The following SLC7A13 variants were observed in gnomAD, a reference collection of about 807,000 sequenced individuals.
SLC7A13 encodes the protein X-amino acid transporter 2.
SLC7A13 carries 31 observed loss-of-function variants against 32.0 expected under a neutral mutation model. The ratio of observed to expected loss-of-function variants is 0.97; its 90% CI spans 0.73 to 1.31. The LOEUF is 1.31. Ranked by LOEUF, SLC7A13 falls within the 50% of genes most tolerant of loss-of-function variation. The pLI, the probability that SLC7A13 is intolerant of heterozygous loss-of-function variation, is 0.00. For missense variants in SLC7A13, 633 were observed against 546.9 expected (o/e 1.16, Z -1.57); for synonymous variants, 232 against 206.9 (o/e 1.12, Z -1.04).
chr8:86,228,671 G>A (rs1035890177), intron 1 of SLC7A13, among the ~76,000 whole-genome samples: 2 of 151,978 alleles, frequency 1.3e-5, no homozygotes, highest in African/African-American at 4.8e-5. Context: ...CATGGTGAAA[G>A]CCTGTCTCTA....
chr8:86,223,184 T>A, intron 1 of SLC7A13, 81 bp from the exon 2 acceptor site: 1 of 1,336,478 alleles, frequency 7.5e-7, no homozygotes, highest in Non-Finnish European at 1.0e-6. Context: ...TATTTTTGTA[T>A]TTGTATAAAT....
chr8:86,224,056 T>G (rs535168963), intron 1 of SLC7A13, among the ~76,000 whole-genome samples: 1 of 152,218 alleles, frequency 6.6e-6, no homozygotes, highest in East Asian at 1.9e-4. Flanking sequence ...AGAAACTACA[T>G]GAAATTTGAC....
chr8:86,223,238 G>T, intron 1 of SLC7A13, 135 bp from the exon 2 acceptor site: 1 of 836,414 alleles, frequency 1.2e-6, no homozygotes. Context: ...TAGGTTGTGT[G>T]GTGGTCAAAT....
Position 86,214,639 on chromosome 8 carries a change from A to G in SLC7A13, c.1187T>C (p.Leu396Ser). 6.2e-7 allele frequency: 1 copy of G among 1,605,854 alleles called. No individual in the cohort carries two copies. Among genetic ancestry groups the G allele is most frequent in the Non-Finnish European group, 8.5e-7 (1 of 1,176,042 alleles). ...GACTATTGTTGCTAATGGAAATGAC[A>G]AAAACACCTGAAAAGAGCAAAGTTT... ...PNLSIPYKVF[L>S]SFPLATIVID... The change falls in exon 4 of 4, where the codon TTG becomes TCG. Residue 396 changes from leucine (L) to serine (S), a missense_variant. By Grantham distance (145) the Leu-to-Ser change is moderately radical. Transcript: ENST00000297524.
intron 2 of SLC7A13, among the ~76,000 whole-genome samples, chr8:86,221,659 T>C (rs148162344): frequency 8.9e-5 from 13 of 146,168 alleles, no homozygotes; most frequent in African/African-American, 2.8e-4. Context: ...ACAAAAAGTC[T>C]AAAGATGATA....
rs189885150 is a variant in SLC7A13, at chr8:86,229,919, A to C, written c.359T>G (p.Ile120Ser). Residue 120 changes from isoleucine to serine, a missense_variant, in exon 1 of 4, where the codon ATC becomes AGC. Ile to Ser is a moderately radical substitution (Grantham distance 142, BLOSUM62 -2). Transcript: ENST00000297524. ...GQALLLAEYSIQPFFPSCSVP... is the reference protein window; with the variant it reads ...GQALLLAEYSSQPFFPSCSVP... ...AGAGCAGCTGGGAAAAAAAGGCTGG[A>C]TGCTGTACTCAGCAAGGAGCAGAGC... The C allele has an allele frequency of 1.5e-5, 24 of 1,614,188 alleles. No individual in the cohort carries two copies. The highest frequency in any genetic ancestry group is 1.6e-4 in the Middle Eastern group (1 of 6,062).
chr8:86,224,092 T>C (rs145444618), intron 1 of SLC7A13, among the ~76,000 whole-genome samples: 65 of 152,190 alleles, frequency 4.3e-4, no homozygotes, highest in Middle Eastern at 6.8e-3. Flanking sequence ...TACACATGAG[T>C]TAAATAATTG....
intron 1 of SLC7A13, among the ~76,000 whole-genome samples, chr8:86,229,050 T>A (rs1042157398): frequency 2.0e-5 from 3 of 152,132 alleles, no homozygotes; most frequent in African/African-American, 7.2e-5. Context: ...AGATGAAAAT[T>A]ATAGCTTTAT....
intron 2 of SLC7A13, 147 bp from the exon 3 acceptor site, chr8:86,217,978 T>A (rs1408958630): frequency 2.3e-6 from 2 of 875,816 alleles, no homozygotes; most frequent in Admixed American, 6.7e-5. Context: ...ATTTCCTTAG[T>A]TACACCTACA....
chr8:86,214,635 T>C lies in SLC7A13; in HGVS notation c.1191A>G (p.Ser397=), dbSNP rs772568677. 1 of 1,605,254 alleles carries C rather than the reference T, an allele frequency of 6.2e-7. No homozygotes were observed. Among genetic ancestry groups the C allele is most frequent in the Non-Finnish European group, 8.5e-7 (1 of 1,175,900 alleles). Residue 397 remains serine (S), a synonymous_variant, in exon 4 of 4, where the codon TCA becomes TCG. Coordinates refer to ENST00000297524, the MANE Select transcript of SLC7A13 (RefSeq NM_138817.3). ...CGATGACTATTGTTGCTAATGGAAA[T>C]GACAAAAACACCTGAAAAGAGCAAA... ...NLSIPYKVFL[S]FPLATIVIDV...
Position 86,214,489 on chromosome 8 carries a change from A to C in SLC7A13, c.1337T>G (p.Leu446Trp), listed in dbSNP as rs1297454360. 6.2e-7 allele frequency: 1 copy of C among 1,612,520 alleles called. No homozygotes were observed. The highest frequency in any genetic ancestry group is 2.2e-5 in the East Asian group (1 of 44,784). Residue 446 changes from leucine (L) to tryptophan (W), a missense_variant, in exon 4 of 4, where the codon TTG becomes TGG. Leu to Trp is a moderately conservative substitution (Grantham distance 61, BLOSUM62 -2). Transcript: ENST00000297524. ...YIPLIHFKIR[L>W]AWFEKMTCYL... ...GCAAGTCATCTTCTCAAACCAAGCC[A>C]ATCTTATTTTAAAATGTATTAAAGG...
chr8:86,224,337 C>T (rs1376101003), intron 1 of SLC7A13, among the ~76,000 whole-genome samples: 1 of 152,068 alleles, frequency 6.6e-6, no homozygotes, highest in African/African-American at 2.4e-5. Context: ...CCTACCCTTC[C>T]TTCAGATCTC....
chr8:86,228,945 C>A (rs961979906), intron 1 of SLC7A13, among the ~76,000 whole-genome samples: 2 of 152,068 alleles, frequency 1.3e-5, no homozygotes, highest in African/African-American at 4.8e-5. Flanking sequence ...CCTCTCAAAG[C>A]ATTGGGATTA....
rs772682269 is a variant in SLC7A13, at chr8:86,230,148, T to C, written c.130A>G (p.Met44Val). Residue 44 changes from methionine to valine, a missense_variant, in exon 1 of 4, where the codon ATG becomes GTG. Coordinates refer to ENST00000297524, the MANE Select transcript of SLC7A13 (RefSeq NM_138817.3). ...ACGCACAGGGAGACTCCCACGTTCA[T>C]GCAAGAGTATGCCAACACACCTTTG... ...SPKGVLAYSC[M>V]NVGVSLCVWA... is the part of the protein sequence containing the mutation. The C allele has an allele frequency of 1.9e-6, 3 of 1,614,208 alleles. No homozygotes were observed.
In SLC7A13 at chr8:86,219,927, C is replaced by T. The variant is rs190545567; in HGVS notation, c.818-2096G>A. ...GGCCTTGTGAGTCCAAAAGTATATACATTTTAAAATAAGGATGATATTACA... is the reference window on the plus strand; with the variant it reads ...GGCCTTGTGAGTCCAAAAGTATATATATTTTAAAATAAGGATGATATTACA... On this transcript the variant is annotated intron_variant, in intron 2 of 3. Coordinates refer to ENST00000297524, the MANE Select transcript of SLC7A13 (RefSeq NM_138817.3). 1.1e-3 allele frequency among the ~76,000 whole-genome samples: 162 copies of T among 152,184 alleles called. 1 individual carries two copies. Among genetic ancestry groups the T allele is most frequent in the African/African-American group, 3.7e-3 (153 of 41,542 alleles).
intron 3 of SLC7A13, among the ~76,000 whole-genome samples, chr8:86,216,899 G>A (rs1321135325): frequency 6.6e-6 from 1 of 152,142 alleles, no homozygotes; most frequent in Non-Finnish European, 1.5e-5. Flanking sequence ...GACCGTCAGG[G>A]CCATCTTTCT....
chr8:86,226,826 A>C (rs545147944), intron 1 of SLC7A13, among the ~76,000 whole-genome samples: 1 of 152,206 alleles, frequency 6.6e-6, no homozygotes, highest in Admixed American at 6.5e-5. Flanking sequence ...CCACGGCTTC[A>C]CTCATATTTT....
chr8:86,222,125 G>A (rs1455936022), intron 2 of SLC7A13, among the ~76,000 whole-genome samples: 1 of 151,774 alleles, frequency 6.6e-6, no homozygotes, highest in Non-Finnish European at 1.5e-5. Flanking sequence ...AAGAATTGAG[G>A]CAAAGTTTAC....
Position 86,214,195 on chromosome 8 carries a change from T to C in SLC7A13, c.*218A>G, listed in dbSNP as rs1286346034. ...AGCTACGCAAACCAGGACTTAAGTT[T>C]TTTACCATGCGAAGCAGAGCTTTTA... On this transcript the variant is annotated 3_prime_UTR_variant, in exon 4 of 4. Transcript: ENST00000297524. 2.5e-6 allele frequency: 1 copy of C among 393,748 alleles called. No individual in the cohort carries two copies. The highest frequency in any genetic ancestry group is 4.5e-6 in the Non-Finnish European group (1 of 221,020). The allele number at this position is 393,748 out of a possible 1,614,324, so 24.4% of individuals were successfully genotyped here. A position where few individuals can be genotyped will look rare whatever the true frequency, so the allele number is the denominator to read the frequency against.
Sources: allele counts gnomAD v4.1 joint callset (sites outside exome capture counted in the v4.1 genomes callset), GRCh38; gene constraint gnomAD v4.1.1; transcripts MANE v1.5; gene names NCBI Gene and HGNC (gene_info 2026-07-23, HGNC 2026-07-21).